Variants in NWD1 observed in about 807,000 individuals in gnomAD.
NWD1 encodes the protein NACHT and WD repeat domain containing 1, also known as NACHT domain- and WD repeat-containing protein 1.
A neutral mutation model predicts 135.1 loss-of-function variants in NWD1; 129 were observed. That is an observed-to-expected ratio of 0.96 (90% CI 0.83 to 1.11). NWD1 has a LOEUF of 1.11. Ranked by LOEUF, NWD1 falls within the 50% of genes least tolerant of loss-of-function variation. The probability of loss-of-function intolerance (pLI) is 0.00; values close to 1 mark genes in which losing one functional copy is unlikely to be tolerated. For synonymous variants in NWD1, 773 were observed against 786.0 expected, an observed-to-expected ratio of 0.98 and a Z score of 0.28; for missense variants, 1,740 against 1,851.3, an observed-to-expected ratio of 0.94 and a Z score of 1.10.
chr19:16,780,152 A>G, intron 12 of NWD1, among the ~76,000 whole-genome samples: 1 of 149,882 alleles, frequency 6.7e-6, no homozygotes, highest in Non-Finnish European at 1.5e-5. Context: ...AGCAAAGGCA[A>G]GGTTTCTTTT....
intron 3 of NWD1, among the ~76,000 whole-genome samples, chr19:16,735,960 A>C (rs78277164): frequency 7.8e-6 from 1 of 128,772 alleles, no homozygotes; most frequent in African/African-American, 2.7e-5. Flanking sequence ...CAGGACTCCA[A>C]CTCAAAAAAA....
rs1265049700 is a variant in NWD1, at chr19:16,749,903, C to T, written c.1261C>T (p.Leu421Phe). The change falls in exon 6 of 19, where the codon CTC (leucine) becomes TTC (phenylalanine). Residue 421 changes from leucine (L) to phenylalanine (F), a missense_variant. Leu to Phe is a conservative substitution (Grantham distance 22). Coordinates refer to ENST00000524140, the MANE Select transcript of NWD1 (RefSeq NM_001007525.5). ...TRVVQFFHTL[L>F]HTVSCRNFES... ...GGTGGTCCAGTTTTTCCATACCCTC[C>T]TCCACACTGTCTCTTGCAGAAACTT... 2 of 1,613,614 alleles carry T rather than the reference C, an allele frequency of 1.2e-6. No individual in the cohort carries two copies. The highest frequency in any genetic ancestry group is 2.2e-5 in the East Asian group (1 of 44,876).
chr19:16,763,826 A>C lies in NWD1; in HGVS notation c.2134-2A>C. On this transcript the variant is annotated splice_acceptor_variant, in intron 8 of 18. Transcript: ENST00000524140. LOFTEE classifies it high-confidence loss of function. ...GCTGCAGTCTCCCTTCTCCTCTGCC[A>C]GGTGGCCCCGCAGCCTCTGTGGTTC... The C allele has an allele frequency of 6.2e-7, 1 of 1,604,638 alleles. No homozygotes were observed.
At chr19:16,799,757 C>A in intron 16 of NWD1, 129 bp from the exon 17 acceptor site, 1 of 764,468 alleles carries the variant, frequency 1.3e-6, no homozygotes, top group Non-Finnish European at 2.1e-6. Flanking sequence ...ATCCACCTGC[C>A]TCAGCCTCCC....
intron 14 of NWD1, among the ~76,000 whole-genome samples, chr19:16,793,638 G>A (rs370214988): frequency 5.3e-5 from 8 of 149,822 alleles, no homozygotes; most frequent in East Asian, 2.0e-4. Flanking sequence ...ATGCAGTGGC[G>A]CAATCTCGGC....
At chr19:16,728,869 A>G (rs1215450648) in intron 2 of NWD1, among the ~76,000 whole-genome samples, 3 of 149,272 alleles carry the variant, frequency 2.0e-5, no homozygotes, top group Non-Finnish European at 4.4e-5. Context: ...GCGTGAACCC[A>G]GGAGGCGGAG....
intron 18 of NWD1, among the ~76,000 whole-genome samples, chr19:16,810,096 C>G (rs894065685): frequency 6.6e-6 from 1 of 152,018 alleles, no homozygotes; most frequent in African/African-American, 2.4e-5. Context: ...TAGGAGAACT[C>G]CTGACATTTC....
At chr19:16,802,167 C>T (rs1249684836) in intron 17 of NWD1, among the ~76,000 whole-genome samples, 1 of 151,506 alleles carries the variant, frequency 6.6e-6, no homozygotes, top group African/African-American at 2.4e-5. Flanking sequence ...ACCTGTAATC[C>T]CAGCTGTTCA....
chr19:16,807,790 TGGCC>T lies in NWD1; in HGVS notation c.3942_3945del (p.Ala1315SerfsTer42), dbSNP rs1381062492. On this transcript the variant is annotated frameshift_variant, in exon 18 of 19. Transcript: ENST00000524140. LOFTEE classifies it high-confidence loss of function. ...TCCCTGAGCAAGTGCGAGGACCGCC[TGGCC>T]ATCGCCTATGACAACATCGTCCTGG... The T allele has an allele frequency of 6.2e-7, 1 of 1,613,934 alleles. No homozygotes were observed.
At position 16,789,020 on chromosome 19, in the gene NWD1, C is replaced by A; in HGVS notation, c.2770C>A (p.Leu924Ile). ...TGTGAAAATATTTGCCAAAGGGACC[C>A]TCGCCAACTCTGCTTCAAAGGATTA... ...RCVKIFAKGT[L>I]ANSASKDYTL... The change falls in exon 13 of 19, where the codon CTC becomes ATC. Residue 924 changes from leucine to isoleucine, a missense_variant. Coordinates refer to ENST00000524140, the MANE Select transcript of NWD1 (RefSeq NM_001007525.5). The A allele has an allele frequency of 6.2e-7, 1 of 1,612,438 alleles. No homozygotes were observed. Among genetic ancestry groups the A allele is most frequent in the Non-Finnish European group, 8.5e-7 (1 of 1,179,750 alleles).
intron 12 of NWD1, among the ~76,000 whole-genome samples, chr19:16,782,655 A>G (rs1969895861): frequency 6.6e-6 from 1 of 152,138 alleles, no homozygotes; most frequent in Non-Finnish European, 1.5e-5. Context: ...TTGGCCCTCC[A>G]TATCTGTGGG....
intron 10 of NWD1, among the ~76,000 whole-genome samples, chr19:16,768,389 G>C (rs10407544): frequency 2.0e-5 from 3 of 151,928 alleles, no homozygotes; most frequent in East Asian, 3.9e-4. Context: ...TTGTTTATCC[G>C]TTCATCTGTC....
chr19:16,739,597 C>G (rs1967997499), intron 4 of NWD1, among the ~76,000 whole-genome samples: 1 of 152,128 alleles, frequency 6.6e-6, no homozygotes. Context: ...CCAGGCATCA[C>G]CCCTCTACTG....
intron 12 of NWD1, among the ~76,000 whole-genome samples, chr19:16,788,564 CAAAAAA>C (rs1164007408): frequency 4.2e-5 from 3 of 71,718 alleles, no homozygotes; most frequent in African/African-American, 1.2e-4. Context: ...GAGAGTCCGT[CAAAAAA>C]AAAAAAAAAA....
At chr19:16,739,869 C>T (rs774939020) in intron 4 of NWD1, among the ~76,000 whole-genome samples, 13 of 152,140 alleles carry the variant, frequency 8.5e-5, no homozygotes, top group Non-Finnish European at 1.5e-4. Flanking sequence ...TTGCTCTGAT[C>T]CCACAGATTG....
At chr19:16,754,117 C>A (rs1384484584) in intron 6 of NWD1, among the ~76,000 whole-genome samples, 2 of 151,012 alleles carry the variant, frequency 1.3e-5, no homozygotes, top group South Asian at 2.1e-4. Flanking sequence ...ATTCATCTAT[C>A]TATCCATCAT....
chr19:16,723,422 C>T (rs1967209756), intron 1 of NWD1, among the ~76,000 whole-genome samples: 2 of 152,078 alleles, frequency 1.3e-5, no homozygotes, highest in South Asian at 2.1e-4. Context: ...TGGTCTTGAA[C>T]CCTTGGACTC....
chr19:16,807,992 G>A lies in NWD1; in HGVS notation c.4143G>A (p.Ala1381=), dbSNP rs375858553. 8.1e-6 allele frequency: 13 copies of A among 1,614,106 alleles called. No individual in the cohort carries two copies. Among genetic ancestry groups the A allele is most frequent in the East Asian group, 2.2e-5 (1 of 44,886 alleles). The change falls in exon 18 of 19, where the codon GCG becomes GCA. Residue 1381 remains alanine (A), a synonymous_variant. Transcript: ENST00000524140. Reference sequence around the variant, plus strand: ...TTTACGAGTGTGCAACTTCCAAAGCGTTTCCCTTGGAGACCCACAGGAGCC... The same window carrying A: ...TTTACGAGTGTGCAACTTCCAAAGCATTTCCCTTGGAGACCCACAGGAGCC... ...LFLYECATSK[A]FPLETHRSRV...
intron 12 of NWD1, among the ~76,000 whole-genome samples, chr19:16,781,547 T>C (rs545716277): frequency 4.3e-4 from 65 of 151,874 alleles, no homozygotes; most frequent in African/African-American, 1.4e-3. Flanking sequence ...GCTCAGGAGA[T>C]TGGGGCTACA....
Sources: gnomAD v4.1 joint callset for allele counts (sites outside exome capture counted in the v4.1 genomes callset) on GRCh38, gnomAD v4.1.1 for gene constraint, MANE v1.5 for transcripts, NCBI Gene and HGNC (gene_info 2026-07-23, HGNC 2026-07-21) for gene names.